TELO2: variants seen among roughly 807,000 people sequenced by gnomAD.
The protein encoded by TELO2 is telomere length regulation protein TEL2 homolog.
Under a neutral mutation model 91.0 loss-of-function variants are expected in TELO2, and 71 were observed. The observed-to-expected ratio is 0.78, with a 90% confidence interval of 0.64 to 0.95. The LOEUF (loss-of-function observed/expected upper bound fraction) is 0.95. Among genes scored for constraint, TELO2 ranks in the 40% least tolerant of loss-of-function variants. TELO2 has a pLI of 0.00. For synonymous variants in TELO2, 584 were observed against 518.9 expected (o/e 1.13, Z -1.71); for missense variants, 1,183 against 1,141.3 (o/e 1.04, Z -0.53).
At chr16:1,503,860 G>A (rs955453118) in intron 15 of TELO2, among the ~76,000 whole-genome samples, 1 of 152,100 alleles carries the variant, frequency 6.6e-6, no homozygotes, top group African/African-American at 2.4e-5. Context: ...GGCTGGGCGC[G>A]GCGGCTCATG....
At position 1,509,894 on chromosome 16, in the gene TELO2, G is replaced by A. The variant is rs756252417; in HGVS notation, c.2472G>A (p.Leu824=). The A allele has an allele frequency of 1.2e-6, 2 of 1,611,402 alleles. No homozygotes were observed. Among genetic ancestry groups the A allele is most frequent in the Non-Finnish European group, 8.5e-7 (1 of 1,179,236 alleles). Residue 824 remains leucine, a synonymous_variant, in exon 21 of 21, where the codon CTG becomes CTA. Coordinates refer to ENST00000262319, the MANE Select transcript of TELO2 (RefSeq NM_016111.4). ...TGGCACTGAGGGCCCTGCTGCTTCT[G>A]CAGAGACTCAAGAACAGGCTCCTCC... ...RTLALRALLL[L]QRLKNRLLPP...
chr16:1,506,844 G>A lies in TELO2; in HGVS notation c.2127-108G>A, dbSNP rs1169152637. The A allele has an allele frequency of 1.0e-5, 15 of 1,441,430 alleles. No homozygotes were observed. The South Asian group carries it at 1.3e-4, about 13-fold the overall frequency. 89.3% of individuals were successfully genotyped at this position (1,441,430 alleles called of 1,614,324 possible). On this transcript the variant is annotated intron_variant, in intron 17 of 20. Transcript: ENST00000262319. ...TCGGTGCAGGCAAGGCGGTGGGCAC[G>A]GGAGGAGGGGCTGTGTGGGGCTCCC... is the stretch of plus-strand genomic sequence containing the variant.
rs566079941 is a variant in TELO2, at chr16:1,497,058, C to T, written c.636C>T (p.Ser212=). Residue 212 remains serine (S), a synonymous_variant, in exon 4 of 21, where the codon TCC becomes TCT. Coordinates refer to ENST00000262319, the MANE Select transcript of TELO2 (RefSeq NM_016111.4). This position sits in a 1 kb window ranked among gnomAD's most constrained non-coding sequence, Gnocchi z 4.0. ...CAGGTGGCCTGGATTCCTCCGTGTC[C>T]TTCGTGTCTCAGGTCCTTGGGAAAG... ...SLQGGLDSSV[S]FVSQVLGKAC... 3 of 1,614,060 alleles carry T rather than the reference C, an allele frequency of 1.9e-6. No individual in the cohort carries two copies. The highest frequency in any genetic ancestry group is 3.3e-4 in the Middle Eastern group (2 of 6,058).
At chr16:1,501,367 G>C in intron 9 of TELO2, 53 bp from the exon 10 acceptor site, 1 of 1,577,074 alleles carries the variant, frequency 6.3e-7, no homozygotes. Context: ...CTCCGTCTCG[G>C]GGAGGGGCGC....
chr16:1,501,402 C>A lies in TELO2; in HGVS notation c.1282-18C>A, dbSNP rs748927769. 6.2e-7 allele frequency: 1 copy of A among 1,610,882 alleles called. No homozygotes were observed. The highest frequency in any genetic ancestry group is 8.5e-7 in the Non-Finnish European group (1 of 1,179,166). On this transcript the variant is annotated intron_variant, in intron 9 of 20. Coordinates refer to ENST00000262319, the MANE Select transcript of TELO2 (RefSeq NM_016111.4). ...CTGCAGCCTGGCGGATGCCGCTGAG[C>A]CTGCTCCCCTGCTGTAGTACGAAGA...
rs756080983 is a variant in TELO2 at position 1,505,102 on chromosome 16, G to A, written c.1843-308G>A. The stretch of plus-strand genomic sequence containing the variant: ...GCAGCGTTGCTTTTGCTGTGAGGCC[G>A]ACTTCCTGGGATAAGGGCATGTGGC... On this transcript the variant is annotated intron_variant, in intron 15 of 20. Transcript: ENST00000262319. This position sits in a 1 kb window ranked among gnomAD's most constrained non-coding sequence, Gnocchi z 4.3. 1.5e-5 allele frequency: 5 copies of A among 322,642 alleles called. No individual in the cohort carries two copies. Among genetic ancestry groups the A allele is most frequent in the Non-Finnish European group, 2.3e-5 (4 of 173,948 alleles). 20.0% of individuals were successfully genotyped at this position (322,642 alleles called of 1,614,324 possible). A position where few individuals can be genotyped will look rare whatever the true frequency, so the allele number is the denominator to read the frequency against.
rs367764899 is a variant in TELO2, at chr16:1,495,553, C to T, written c.543C>T (p.Pro181=). 6.2e-7 allele frequency: 1 copy of T among 1,612,144 alleles called. No homozygotes were observed. The highest frequency in any genetic ancestry group is 8.5e-7 in the Non-Finnish European group (1 of 1,179,898). Residue 181 remains proline (P), a synonymous_variant, in exon 3 of 21, where the codon CCC becomes CCT. Coordinates refer to ENST00000262319, the MANE Select transcript of TELO2 (RefSeq NM_016111.4). The part of the protein sequence containing the change: ...LQQENLAEFF[P]QNYFRLLGEE... The stretch of plus-strand genomic sequence containing the variant: ...AGGAGAACTTGGCCGAGTTCTTCCC[C>T]CAGAACTACTTCCGCCTGCTCGGCG...
chr16:1,504,850 G>A (rs1438014737), intron 15 of TELO2, among the ~76,000 whole-genome samples: 3 of 151,294 alleles, frequency 2.0e-5, no homozygotes, highest in African/African-American at 4.9e-5. Flanking sequence ...GTGGCGTTCG[G>A]AACATCCACA....
chr16:1,494,508 A>G lies in TELO2; in HGVS notation c.227A>G (p.Glu76Gly). The G allele has an allele frequency of 6.2e-7, 1 of 1,613,084 alleles. No individual in the cohort carries two copies. The highest frequency in any genetic ancestry group is 8.5e-7 in the Non-Finnish European group (1 of 1,179,886). ...AGCAGGCTGAGCCCAGCCTGGCTGG[A>G]GCTGCTGCCCCATGGCCGCCTGGAG... is the stretch of plus-strand genomic sequence containing the variant. ...LASRLSPAWL[E>G]LLPHGRLEEL... Residue 76 changes from glutamate to glycine, a missense_variant, in exon 2 of 21, where the codon GAG becomes GGG. By Grantham distance (98) the Glu-to-Gly change is moderately conservative. Coordinates refer to ENST00000262319, the MANE Select transcript of TELO2 (RefSeq NM_016111.4). This position sits in a 1 kb window ranked among gnomAD's most constrained non-coding sequence, Gnocchi z 5.6.
rs867160012 is a variant in TELO2, at chr16:1,495,526, G to A, written c.516G>A (p.Gln172=). The A allele has an allele frequency of 6.2e-7, 1 of 1,611,536 alleles. No individual in the cohort carries two copies. Among genetic ancestry groups the A allele is most frequent in the Non-Finnish European group, 8.5e-7 (1 of 1,179,960 alleles). ...CCGATCACCTGGGCAACCGCCTGCAGCAGGAGAACTTGGCCGAGTTCTTCC... is the reference window on the plus strand; with the variant it reads ...CCGATCACCTGGGCAACCGCCTGCAACAGGAGAACTTGGCCGAGTTCTTCC... ...ALPDHLGNRL[Q]QENLAEFFPQ... Residue 172 remains glutamine (Q), a synonymous_variant, in exon 3 of 21, where the codon CAG becomes CAA. Transcript: ENST00000262319.
At position 1,508,688 on chromosome 16, in the gene TELO2, C is replaced by T. The variant is rs114910807; in HGVS notation, c.2407+972C>T. ...CTGCCCCAGCCATCTCCCCTCTCCC[C>T]ACCTGGGCGCAGTGCCAGCCTGCTG... On this transcript the variant is annotated intron_variant, in intron 20 of 20. Transcript: ENST00000262319. 3.6e-3 allele frequency among the ~76,000 whole-genome samples: 547 copies of T among 152,338 alleles called. 6 individuals are homozygous for T. The highest frequency in any genetic ancestry group is 0.012 in the African/African-American group (514 of 41,576).
intron 7 of TELO2, 39 bp downstream of exon 7, chr16:1,500,203 GGAGAA>G (rs1462579013): frequency 1.3e-6 from 2 of 1,576,344 alleles, no homozygotes; most frequent in Admixed American, 1.8e-5. Context: ...CGAGGCCCTG[GGAGAA>G]GAGCCGTGCG....
At position 1,507,379 on chromosome 16, in the gene TELO2, C is replaced by T. The variant is rs752202701; in HGVS notation, c.2291+9C>T. ...CGCTTCCACATCGATGCGTGAGTGG[C>T]CTGTGGGGCTGGGCCAGGCCAGGGG... On this transcript the variant is annotated intron_variant, in intron 19 of 20. Transcript: ENST00000262319. The T allele has an allele frequency of 3.1e-6, 5 of 1,610,018 alleles. No homozygotes were observed. In the South Asian group the frequency reaches 4.4e-5, roughly 14 times the overall value.
In TELO2 at chr16:1,502,333, A is replaced by G. The variant is rs758278038; in HGVS notation, c.1582A>G (p.Ile528Val). 4.4e-6 allele frequency: 7 copies of G among 1,606,882 alleles called. No homozygotes were observed. The highest frequency in any genetic ancestry group is 5.9e-6 in the Non-Finnish European group (7 of 1,178,196). ...TGCAGCCCTGACCACGTCTGAGGAC[A>G]TAGAGCGCTGGGAGGCAGCCCTGCG... ...CVEALTTSED[I>V]ERWEAALRAL... Residue 528 changes from isoleucine (I) to valine (V), a missense_variant, in exon 13 of 21, where the codon ATA becomes GTA. Transcript: ENST00000262319.
chr16:1,502,488 A>G, intron 13 of TELO2, 84 bp downstream of exon 13: 2 of 1,521,114 alleles, frequency 1.3e-6, no homozygotes, highest in Admixed American at 1.8e-5. Context: ...TGAGGGTGAC[A>G]TATGGCTCCC....
chr16:1,499,604 G>A (rs1224725888), intron 6 of TELO2, among the ~76,000 whole-genome samples: 1 of 151,894 alleles, frequency 6.6e-6, no homozygotes, highest in African/African-American at 2.4e-5. Flanking sequence ...GGGCCTGAGG[G>A]GGTGGGGTGG....
chr16:1,506,967 C>T lies in TELO2; in HGVS notation c.2142C>T (p.Phe714=), dbSNP rs61744765. 1.7e-3 allele frequency: 2,810 copies of T among 1,610,672 alleles called. 37 individuals are homozygous for T. In the African/African-American group the frequency reaches 0.032, roughly 18 times the overall value. The change falls in exon 18 of 21, where the codon TTC becomes TTT. Residue 714 remains phenylalanine, a synonymous_variant. Transcript: ENST00000262319. The part of the protein sequence containing the change: ...LQRFDRPLVT[F]DLLGEDQLVL... ...TGTGCTCTAGGCCTCTGGTGACCTT[C>T]GACCTCTTGGGAGAAGACCAGCTGG... is the stretch of plus-strand genomic sequence containing the variant.
chr16:1,501,826 C>T lies in TELO2; in HGVS notation c.1472+53C>T, dbSNP rs2039696307. On this transcript the variant is annotated intron_variant, in intron 11 of 20. Coordinates refer to ENST00000262319, the MANE Select transcript of TELO2 (RefSeq NM_016111.4). ...GCGTGCAGGAGGCCGGGAGGCGAAC[C>T]CCTCACACTCCAAGCTGCGGCCCCG... 6 of 1,555,130 alleles carry T rather than the reference C, an allele frequency of 3.9e-6. No homozygotes were observed. In the South Asian group the frequency reaches 6.7e-5, roughly 17 times the overall value.
Position 1,510,226 on chromosome 16 carries a change from C to T in TELO2, c.*290C>T. ...CTCTTCCAGTGAGGGCAGAACCAGG[C>T]TGGCAGGAGGGGAGGACGGTGTACC... On this transcript the variant is annotated 3_prime_UTR_variant, in exon 21 of 21. Coordinates refer to ENST00000262319, the MANE Select transcript of TELO2 (RefSeq NM_016111.4). 3 of 442,262 alleles carry T rather than the reference C, an allele frequency of 6.8e-6. No individual in the cohort carries two copies. Among genetic ancestry groups the T allele is most frequent in the South Asian group, 2.2e-5 (1 of 45,432 alleles). 27.4% of individuals were successfully genotyped at this position (442,262 alleles called of 1,614,324 possible).
Sources: gnomAD v4.1 joint callset for allele counts (sites outside exome capture counted in the v4.1 genomes callset) on GRCh38, gnomAD v4.1.1 for gene constraint, Gnocchi (gnomAD v3.1) non-coding constraint, MANE v1.5 for transcripts, NCBI Gene and HGNC (gene_info 2026-07-23, HGNC 2026-07-21) for gene names.